DAPP1: variants seen among roughly 807,000 people sequenced by gnomAD.
The protein encoded by DAPP1 is dual adaptor of phosphotyrosine and 3-phosphoinositides 1.
A neutral mutation model predicts 41.5 loss-of-function variants in DAPP1; 20 were observed. The observed-to-expected ratio is 0.48, with a 90% CI of 0.34 to 0.70. DAPP1 has a LOEUF of 0.70. Among genes scored for constraint, DAPP1 ranks in the 30% least tolerant of loss-of-function variants. DAPP1 has a pLI of 0.01. For missense variants in DAPP1, 233 were observed against 333.4 expected, an observed-to-expected ratio of 0.70 and a Z score of 2.35; for synonymous variants, 113 against 116.2, an observed-to-expected ratio of 0.97 and a Z score of 0.18.
intron 1 of DAPP1, 107 bp from the exon 2 acceptor site, chr4:99,835,516 A>G: frequency 6.7e-7 from 1 of 1,488,754 alleles, no homozygotes; most frequent in South Asian, 1.3e-5. Flanking sequence ...TCTCTGGGCT[A>G]CTTATCTTGA....
chr4:99,860,567 G>A (rs925145007), intron 4 of DAPP1, among the ~76,000 whole-genome samples: 12 of 152,074 alleles, frequency 7.9e-5, no homozygotes, highest in Admixed American at 7.9e-4. Flanking sequence ...TATATCATAA[G>A]ATTTTAAAAG....
At chr4:99,842,000 G>T (rs1175753970) in intron 3 of DAPP1, among the ~76,000 whole-genome samples, 1 of 152,184 alleles carries the variant, frequency 6.6e-6, no homozygotes, top group Non-Finnish European at 1.5e-5. Flanking sequence ...TTAGGGAAAA[G>T]ATACATATTC....
chr4:99,863,591 T>C (rs974438603), intron 6 of DAPP1, among the ~76,000 whole-genome samples, 179 bp from the exon 7 acceptor site: 3 of 152,282 alleles, frequency 2.0e-5, no homozygotes, highest in Middle Eastern at 3.4e-3. Flanking sequence ...TATGAAAGGC[T>C]CATTCCAAAA....
chr4:99,829,914 T>C (rs1723063835), intron 1 of DAPP1, among the ~76,000 whole-genome samples: 1 of 152,252 alleles, frequency 6.6e-6, no homozygotes, highest in South Asian at 2.1e-4. Context: ...ATGTTTGTGA[T>C]ATTTTTGTTT....
chr4:99,853,615 A>G (rs774206632), intron 4 of DAPP1, among the ~76,000 whole-genome samples: 3 of 152,188 alleles, frequency 2.0e-5, no homozygotes, highest in Admixed American at 6.5e-5. Flanking sequence ...TGAGCCCAGG[A>G]GTTGGAGACC....
Position 99,861,586 on chromosome 4 carries a change from C to A in DAPP1, c.498C>A (p.Thr166=). The change falls in exon 5 of 9, where the codon ACC becomes ACA. Residue 166 remains threonine, a synonymous_variant. Coordinates refer to ENST00000512369, the MANE Select transcript of DAPP1 (RefSeq NM_014395.3). The stretch of plus-strand genomic sequence containing the variant: ...GTGCTTTTCTTTTTCAGCTGGGCAC[C>A]AAAGAAGGTTACCTCACCAAACAGG... ...DLVPTAPSLG[T]KEGYLTKQGG... is the part of the protein sequence containing the mutation. 1.9e-6 allele frequency: 3 copies of A among 1,573,056 alleles called. No individual in the cohort carries two copies. Among genetic ancestry groups the A allele is most frequent in the Non-Finnish European group, 2.6e-6 (3 of 1,158,142 alleles).
At chr4:99,844,201 A>G (rs1488444414) in intron 3 of DAPP1, 1 of 152,200 alleles carries the variant, frequency 6.6e-6, no homozygotes, top group African/African-American at 2.4e-5. Context: ...GGGAAGCTAG[A>G]GCGCTTCCTG....
chr4:99,864,594 T>G (rs191242255), intron 7 of DAPP1, among the ~76,000 whole-genome samples: 82 of 152,290 alleles, frequency 5.4e-4, no homozygotes, highest in African/African-American at 1.8e-3. Flanking sequence ...AGAATGGGTG[T>G]CTTTTTAAAA....
chr4:99,868,341 C>G lies in DAPP1; in HGVS notation c.*156C>G. The G allele has an allele frequency of 3.1e-6, 2 of 651,532 alleles. No individual in the cohort carries two copies. Among genetic ancestry groups the G allele is most frequent in the Admixed American group, 5.3e-5 (2 of 37,504 alleles). 40.4% of individuals were successfully genotyped at this position (651,532 alleles called of 1,614,324 possible). Reference sequence around the variant, plus strand: ...TGATTGGGACCCATATACCACGTTGCTGACTCACGTTGCTGCCCTTCCATG... The same window carrying G: ...TGATTGGGACCCATATACCACGTTGGTGACTCACGTTGCTGCCCTTCCATG... On this transcript the variant is annotated 3_prime_UTR_variant, in exon 9 of 9. Transcript: ENST00000512369.
chr4:99,852,729 G>C (rs1412906713), intron 3 of DAPP1, among the ~76,000 whole-genome samples: 1 of 152,194 alleles, frequency 6.6e-6, no homozygotes, highest in Non-Finnish European at 1.5e-5. Context: ...CTGATTGATA[G>C]GAAATAAGGG....
chr4:99,859,626 A>G (rs1436542826), intron 4 of DAPP1, among the ~76,000 whole-genome samples: 1 of 152,148 alleles, frequency 6.6e-6, no homozygotes, highest in Non-Finnish European at 1.5e-5. Context: ...GTGGTGATCA[A>G]TTGAATATAA....
In DAPP1 at chr4:99,816,957, A is replaced by G; in HGVS notation, c.44A>G (p.Asp15Gly). 6.2e-7 allele frequency: 1 copy of G among 1,609,166 alleles called. No individual in the cohort carries two copies. The highest frequency in any genetic ancestry group is 8.5e-7 in the Non-Finnish European group (1 of 1,177,928). Reference protein sequence around the residue: ...ELLEGKMSTQDPSDLWSRSDG... With the variant: ...ELLEGKMSTQGPSDLWSRSDG... ...CTAGAAGGGAAGATGAGCACCCAGG[A>G]TCCCTCAGATCTGTGGAGCAGATCC... Residue 15 changes from aspartate (D) to glycine (G), a missense_variant, in exon 1 of 9, where the codon GAT (aspartate) becomes GGT (glycine). Coordinates refer to ENST00000512369, the MANE Select transcript of DAPP1 (RefSeq NM_014395.3).
chr4:99,860,254 C>T (rs1342854293), intron 4 of DAPP1, among the ~76,000 whole-genome samples: 1 of 152,218 alleles, frequency 6.6e-6, no homozygotes, highest in Non-Finnish European at 1.5e-5. Context: ...TAGAAGAATA[C>T]TACACTTATA....
At chr4:99,871,625 A>G (rs767737874), downstream of DAPP1, among the ~76,000 whole-genome samples, 1 of 152,230 alleles carries the variant, frequency 6.6e-6, no homozygotes, top group African/African-American at 2.4e-5. Flanking sequence ...AGTGTGCACA[A>G]CAGCCCAGTC....
chr4:99,835,846 T>C, intron 2 of DAPP1, 101 bp downstream of exon 2: 2 of 1,462,196 alleles, frequency 1.4e-6, no homozygotes, highest in Non-Finnish European at 9.2e-7. Flanking sequence ...TCCCAATTCC[T>C]GTTGGACCAC....
At chr4:99,843,619 T>G (rs1723568342) in intron 3 of DAPP1, among the ~76,000 whole-genome samples, 1 of 152,252 alleles carries the variant, frequency 6.6e-6, no homozygotes, top group African/African-American at 2.4e-5. Context: ...ACTCTTAAGA[T>G]ACTTCCAATT....
chr4:99,861,420 C>A (rs1724232359), intron 4 of DAPP1, among the ~76,000 whole-genome samples, 158 bp from the exon 5 acceptor site: 1 of 152,162 alleles, frequency 6.6e-6, no homozygotes, highest in Non-Finnish European at 1.5e-5. Context: ...CAATCTCTCA[C>A]AACACATGGA....
At chr4:99,845,385 C>T (rs1723633917) in intron 3 of DAPP1, among the ~76,000 whole-genome samples, 1 of 152,200 alleles carries the variant, frequency 6.6e-6, no homozygotes, top group Admixed American at 6.5e-5. Flanking sequence ...GGAATCTGGG[C>T]TAACCTGGTC....
chr4:99,844,799 T>C (rs1257687285), intron 3 of DAPP1: 1 of 152,252 alleles, frequency 6.6e-6, no homozygotes, highest in African/African-American at 2.4e-5. Context: ...TGTTTTGATA[T>C]GGGGATTCCC....
Sources: gnomAD v4.1 joint callset for allele counts (sites outside exome capture counted in the v4.1 genomes callset) on GRCh38, gnomAD v4.1.1 for gene constraint, MANE v1.5 for transcripts, NCBI Gene and HGNC (gene_info 2026-07-23, HGNC 2026-07-21) for gene names.